The following ANXA8 variants were observed in gnomAD, a reference collection of about 807,000 sequenced individuals.
ANXA8 encodes the protein VAC-beta.
In ANXA8, 9 loss-of-function variants were observed where a neutral mutation model predicts 26.8. The observed-to-expected ratio is 0.34, with a 90% CI of 0.20 to 0.59. The LOEUF is 0.59. Ranked by LOEUF, ANXA8 falls within the 20% of genes least tolerant of loss-of-function variation. ANXA8 has a pLI of 0.84. For missense variants in ANXA8, 83 were observed against 238.5 expected (o/e 0.35, Z 4.29); for synonymous variants, 39 against 94.8 (o/e 0.41, Z 3.42).
the ANXA8 span, among the ~76,000 whole-genome samples, chr10:47,578,003 CAA>C: frequency 7.8e-4 from 19 of 24,210 alleles, no homozygotes; most frequent in Admixed American, 1.0e-3. Context: ...AACTCCACCT[CAA>C]AAAAAAAAAA....
At chr10:47,526,126 A>G in the ANXA8 span, among the ~76,000 whole-genome samples, 13 of 121,678 alleles carry the variant, frequency 1.1e-4, no homozygotes, top group Admixed American at 3.4e-4. Flanking sequence ...TTTTTTTTTG[A>G]GACAGAGTCT....
At chr10:47,943,378 CT>C in the ANXA8 span, among the ~76,000 whole-genome samples, 2 of 146,922 alleles carry the variant, frequency 1.4e-5, no homozygotes, top group African/African-American at 5.2e-5. Context: ...AAAGTGCCCC[CT>C]GCCTCCAAAT....
chr10:47,667,132 C>T, the ANXA8 span, among the ~76,000 whole-genome samples: 2 of 152,052 alleles, frequency 1.3e-5, no homozygotes, highest in Non-Finnish European at 2.9e-5. Flanking sequence ...TTGGAATTCT[C>T]TTTTCTTTTC....
At chr10:47,968,149 C>T in the ANXA8 span, among the ~76,000 whole-genome samples, 1 of 149,824 alleles carries the variant, frequency 6.7e-6, no homozygotes, top group Admixed American at 6.7e-5. Context: ...CCTGCCACCA[C>T]TGTGCTTGGC....
chr10:47,991,637 A>G, the ANXA8 span: 1 of 1,611,032 alleles, frequency 6.2e-7, no homozygotes, highest in Non-Finnish European at 8.5e-7. Flanking sequence ...ACCAGCACCC[A>G]ACACCATGCA....
At chr10:47,685,529 A>G in the ANXA8 span, among the ~76,000 whole-genome samples, 81 of 151,760 alleles carry the variant, frequency 5.3e-4, 1 homozygote, top group African/African-American at 1.8e-3. Context: ...TTTGAATCTC[A>G]CCTTTGATTC....
chr10:47,658,852 T>G, the ANXA8 span, among the ~76,000 whole-genome samples: 2 of 90,886 alleles, frequency 2.2e-5, no homozygotes, highest in Admixed American at 2.0e-4. Context: ...TATTTATTAT[T>G]TATTTATTTA....
At chr10:47,686,216 C>A in the ANXA8 span, among the ~76,000 whole-genome samples, 2 of 148,582 alleles carry the variant, frequency 1.3e-5, no homozygotes, top group African/African-American at 4.9e-5. Flanking sequence ...CCTGTAGTAG[C>A]TCCTATCACT....
At chr10:47,932,522 T>C in the ANXA8 span, among the ~76,000 whole-genome samples, 1 of 145,076 alleles carries the variant, frequency 6.9e-6, no homozygotes, top group African/African-American at 2.6e-5. Flanking sequence ...TGTCTCCACA[T>C]GTTTTGAACT....
At chr10:47,733,143 ATCTTTCTT>A in the ANXA8 span, among the ~76,000 whole-genome samples, 5,061 of 97,180 alleles carry the variant, frequency 0.052, 138 homozygotes, top group African/African-American at 0.084. Context: ...CAACTCCCTA[ATCTTTCTT>A]TCTTTCTTTC....
At chr10:47,625,914 G>C in the ANXA8 span, among the ~76,000 whole-genome samples, 1 of 150,768 alleles carries the variant, frequency 6.6e-6, no homozygotes, top group Non-Finnish European at 1.5e-5. Context: ...CCAATTAACT[G>C]TCTGTTTCTA....
At chr10:47,652,458 G>C in the ANXA8 span, among the ~76,000 whole-genome samples, 53 of 151,400 alleles carry the variant, frequency 3.5e-4, 1 homozygote, top group African/African-American at 1.1e-3. Flanking sequence ...TTGGCTGGGC[G>C]TGTTGGTACA....
At chr10:47,733,143 A>AT in the ANXA8 span, among the ~76,000 whole-genome samples, 144 of 98,128 alleles carry the variant, frequency 1.5e-3, no homozygotes, top group Middle Eastern at 5.8e-3. Context: ...CAACTCCCTA[A>AT]TCTTTCTTTC....
the ANXA8 span, among the ~76,000 whole-genome samples, chr10:47,977,355 A>T: frequency 6.6e-6 from 1 of 151,270 alleles, no homozygotes; most frequent in African/African-American, 2.4e-5. Flanking sequence ...ATTTTTGGAG[A>T]TGCCACATTA....
the ANXA8 span, among the ~76,000 whole-genome samples, chr10:47,695,699 A>G: frequency 6.6e-6 from 1 of 151,718 alleles, no homozygotes; most frequent in Non-Finnish European, 1.5e-5. Context: ...ATACGTTTAT[A>G]CCTCTGACAC....
chr10:47,575,198 CAAAA>C, the ANXA8 span, among the ~76,000 whole-genome samples: 1 of 107,290 alleles, frequency 9.3e-6, no homozygotes, highest in African/African-American at 3.9e-5. Context: ...GAGTGAAACT[CAAAA>C]AAAAAAAAAA....
At chr10:47,719,835 G>A in the ANXA8 span, 4,715 of 911,672 alleles carry the variant, frequency 5.2e-3, 266 homozygotes, top group Non-Finnish European at 6.1e-3. Flanking sequence ...GTTTGTAGGA[G>A]TGGTTCTAAT....
chr10:47,672,270 G>A, the ANXA8 span, among the ~76,000 whole-genome samples: 18 of 150,426 alleles, frequency 1.2e-4, no homozygotes, highest in African/African-American at 4.4e-4. Flanking sequence ...TGTAATTCCT[G>A]CTTAGAACCT....
chr10:47,645,734 A>C, the ANXA8 span, among the ~76,000 whole-genome samples: 1 of 150,484 alleles, frequency 6.6e-6, no homozygotes, highest in Non-Finnish European at 1.5e-5. Context: ...TTAGCATTTG[A>C]ATAGGTAGAC....
Sources: gnomAD v4.1 joint callset for allele counts (sites outside exome capture counted in the v4.1 genomes callset) on GRCh38, gnomAD v4.1.1 for gene constraint, MANE v1.5 for transcripts, NCBI Gene and HGNC (gene_info 2026-07-23, HGNC 2026-07-21) for gene names.